Variants in BBX observed in about 807,000 individuals in gnomAD.
The protein encoded by BBX is BBX high mobility group box domain containing.
Under a neutral mutation model 100.2 loss-of-function variants are expected in BBX, and 30 were observed. The ratio of observed to expected loss-of-function variants is 0.30; its 90% confidence interval spans 0.22 to 0.41. The LOEUF (loss-of-function observed/expected upper bound fraction) is 0.41, where lower values mean the gene tolerates loss of function less well. Ranked by LOEUF, BBX falls within the 10% of genes least tolerant of loss-of-function variation. BBX has a pLI of 1.00. For synonymous variants in BBX, 376 were observed against 388.1 expected (o/e 0.97, Z 0.37); for missense variants, 1,023 against 1,129.8 (o/e 0.91, Z 1.35).
chr3:107,688,643 A>G (rs1235951495), intron 3 of BBX, among the ~76,000 whole-genome samples: 1 of 152,080 alleles, frequency 6.6e-6, no homozygotes. Flanking sequence ...CATTTGTTGC[A>G]CTCTATTACC....
chr3:107,745,118 A>G (rs2064464148), intron 8 of BBX, among the ~76,000 whole-genome samples: 1 of 152,026 alleles, frequency 6.6e-6, no homozygotes, highest in Non-Finnish European at 1.5e-5. Flanking sequence ...TTTTTAGTGC[A>G]CTTTCATCTT....
intron 2 of BBX, among the ~76,000 whole-genome samples, chr3:107,554,904 A>G (rs2049975374): frequency 6.6e-6 from 1 of 152,092 alleles, no homozygotes; most frequent in Admixed American, 6.6e-5. Flanking sequence ...CCCCATCTCT[A>G]CTAAAAATAC....
intron 2 of BBX, among the ~76,000 whole-genome samples, chr3:107,556,247 C>A (rs1351382618): frequency 6.6e-6 from 1 of 152,050 alleles, no homozygotes; most frequent in African/African-American, 2.4e-5. Flanking sequence ...GACTCCACTG[C>A]CTATTTAACA....
chr3:107,716,957 T>G, intron 5 of BBX, 108 bp downstream of exon 5: 1 of 1,317,484 alleles, frequency 7.6e-7, no homozygotes, highest in Non-Finnish European at 1.1e-6. Flanking sequence ...AGAAGGTGAA[T>G]CATAAATGAG....
At chr3:107,784,493 T>C (rs1253397535) in intron 13 of BBX, among the ~76,000 whole-genome samples, 2 of 151,776 alleles carry the variant, frequency 1.3e-5, no homozygotes, top group Non-Finnish European at 2.9e-5. Flanking sequence ...TAAAAATCAG[T>C]AGTAGAAAAA....
chr3:107,797,630 A>G (rs1180668074), intron 15 of BBX, among the ~76,000 whole-genome samples: 1 of 152,100 alleles, frequency 6.6e-6, no homozygotes, highest in African/African-American at 2.4e-5. Flanking sequence ...TACTAAACTC[A>G]TATCTACACA....
At chr3:107,638,504 A>G (rs750296595) in intron 2 of BBX, 1 of 152,194 alleles carries the variant, frequency 6.6e-6, no homozygotes, top group Admixed American at 6.5e-5. Flanking sequence ...CTTATCAGGA[A>G]TATCCTTGGA....
intron 2 of BBX, among the ~76,000 whole-genome samples, chr3:107,636,295 A>G (rs781090647): frequency 2.0e-4 from 30 of 152,184 alleles, no homozygotes; most frequent in Non-Finnish European, 2.4e-4. Context: ...TTCAAGGTAC[A>G]TGGAATATTT....
At chr3:107,734,710 C>G (rs13095440) in intron 7 of BBX, among the ~76,000 whole-genome samples, 1 of 152,054 alleles carries the variant, frequency 6.6e-6, no homozygotes. Context: ...AACAAATCAA[C>G]GTCTGTAGAA....
At position 107,601,141 on chromosome 3, in the gene BBX, C is replaced by A. The variant is rs562149528; in HGVS notation, c.-83-44695C>A. Among the ~76,000 whole-genome samples, 11 of 152,330 alleles carry A rather than the reference C, an allele frequency of 7.2e-5. No homozygotes were observed. In the South Asian group the frequency reaches 2.1e-3, roughly 29 times the overall value. On this transcript the variant is annotated intron_variant, in intron 2 of 17. Transcript: ENST00000325805. Reference sequence around the variant, plus strand: ...CACCACGAACTGCACCCATACACAACTGCAAACTTAATTGGTAAAAGTTGT... The same window carrying A: ...CACCACGAACTGCACCCATACACAAATGCAAACTTAATTGGTAAAAGTTGT...
chr3:107,733,071 G>A (rs1210779843), intron 7 of BBX, 48 bp downstream of exon 7: 9 of 1,527,608 alleles, frequency 5.9e-6, no homozygotes, highest in Non-Finnish European at 8.1e-6. Context: ...TGTGGGTTGG[G>A]AACACAGTTA....
intron 2 of BBX, among the ~76,000 whole-genome samples, chr3:107,564,974 T>TC (rs1251673349): frequency 6.6e-6 from 1 of 152,206 alleles, no homozygotes; most frequent in Non-Finnish European, 1.5e-5. Flanking sequence ...GAACATTCAC[T>TC]CCATTTATTC....
intron 2 of BBX, among the ~76,000 whole-genome samples, chr3:107,581,925 A>G (rs552319708): frequency 1.3e-5 from 2 of 152,286 alleles, no homozygotes; most frequent in South Asian, 2.1e-4. Context: ...ATTTGTACAC[A>G]GTATTATTAC....
intron 10 of BBX, among the ~76,000 whole-genome samples, chr3:107,761,274 A>G (rs2065880964): frequency 6.6e-6 from 1 of 152,224 alleles, no homozygotes; most frequent in Non-Finnish European, 1.5e-5. Flanking sequence ...GGTAAAGTGT[A>G]TCTGTGAGTC....
chr3:107,726,927 C>T (rs1400369068), intron 5 of BBX, among the ~76,000 whole-genome samples: 1 of 152,032 alleles, frequency 6.6e-6, no homozygotes, highest in Admixed American at 6.6e-5. Context: ...GTGATTATAA[C>T]TGCTCTATGT....
chr3:107,561,314 A>G (rs2050479800), intron 2 of BBX, among the ~76,000 whole-genome samples: 1 of 152,230 alleles, frequency 6.6e-6, no homozygotes, highest in Non-Finnish European at 1.5e-5. Context: ...ACATTGGTCA[A>G]TCACTGAGGG....
At chr3:107,755,494 A>G (rs2065403221) in intron 9 of BBX, 104 bp from the exon 10 acceptor site, 1 of 957,994 alleles carries the variant, frequency 1.0e-6, no homozygotes, top group South Asian at 1.4e-5. Flanking sequence ...CATGGGAGCA[A>G]TGATACTCTC....
chr3:107,726,000 A>G (rs896984439), intron 5 of BBX, among the ~76,000 whole-genome samples: 1 of 151,992 alleles, frequency 6.6e-6, no homozygotes, highest in Admixed American at 6.6e-5. Flanking sequence ...TCCTCCCACC[A>G]TCAGTATGAA....
At chr3:107,625,942 C>G (rs1005495227) in intron 2 of BBX, among the ~76,000 whole-genome samples, 1 of 151,898 alleles carries the variant, frequency 6.6e-6, no homozygotes, top group African/African-American at 2.4e-5. Context: ...GTGATGTTTT[C>G]ATACATATAA....
Sources: allele counts gnomAD v4.1 joint callset (sites outside exome capture counted in the v4.1 genomes callset), GRCh38; gene constraint gnomAD v4.1.1; transcripts MANE v1.5; gene names NCBI Gene and HGNC (gene_info 2026-07-23, HGNC 2026-07-21).